SORCS1: variants seen among roughly 807,000 people sequenced by gnomAD.
SORCS1 encodes the protein VPS10 domain-containing receptor SorCS1.
In SORCS1, 60 loss-of-function variants were observed where a neutral mutation model predicts 146.1. That is an observed-to-expected ratio of 0.41 (90% CI 0.33 to 0.51). The LOEUF (loss-of-function observed/expected upper bound fraction) is 0.51, where lower values mean the gene tolerates loss of function less well. SORCS1 is among the 20% of genes least tolerant of loss of function. SORCS1 has a pLI of 0.21. For missense variants in SORCS1, 1,352 were observed against 1,487.6 expected (o/e 0.91, Z 1.50); for synonymous variants, 637 against 584.0 (o/e 1.09, Z -1.31).
At chr10:106,724,418 A>G (rs1964864) in intron 6 of SORCS1, among the ~76,000 whole-genome samples, 125,378 of 151,822 alleles carry the variant, frequency 0.83, 53,463 homozygotes, top group Non-Finnish European at 0.94. Flanking sequence ...GAGGCGAATC[A>G]CTTGAACCCA....
intron 1 of SORCS1, among the ~76,000 whole-genome samples, chr10:107,019,044 G>A (rs1278510345): frequency 6.6e-6 from 1 of 152,040 alleles, no homozygotes; most frequent in Non-Finnish European, 1.5e-5. Context: ...TTGCATCTGT[G>A]AAGAGGATCC....
intron 24 of SORCS1, among the ~76,000 whole-genome samples, chr10:106,581,608 AC>A (rs903101386): frequency 1.3e-5 from 2 of 152,208 alleles, no homozygotes; most frequent in Non-Finnish European, 2.9e-5. Flanking sequence ...ACACACACAC[AC>A]AGAATACAGA....
intron 3 of SORCS1, among the ~76,000 whole-genome samples, chr10:106,798,744 A>T (rs1946718758): frequency 1.3e-5 from 2 of 152,164 alleles, no homozygotes; most frequent in Admixed American, 1.3e-4. Flanking sequence ...GCCGCAATAA[A>T]CATACGTATG....
At chr10:106,664,510 C>T (rs1000405327) in intron 17 of SORCS1, among the ~76,000 whole-genome samples, 9 of 152,060 alleles carry the variant, frequency 5.9e-5, no homozygotes, top group East Asian at 3.9e-4. Context: ...GGCTTGGTGG[C>T]GGGTGCCTGT....
At chr10:106,753,353 G>T (rs989331771) in intron 5 of SORCS1, among the ~76,000 whole-genome samples, 3 of 152,070 alleles carry the variant, frequency 2.0e-5, no homozygotes, top group African/African-American at 7.2e-5. Flanking sequence ...AGAAGTCTTA[G>T]GGGTACTGTG....
intron 23 of SORCS1, among the ~76,000 whole-genome samples, chr10:106,601,742 G>C (rs1293497935): frequency 1.3e-5 from 2 of 152,194 alleles, no homozygotes; most frequent in Non-Finnish European, 2.9e-5. Context: ...ACACTGGCTG[G>C]TGGAGCGGCC....
intron 6 of SORCS1, among the ~76,000 whole-genome samples, chr10:106,716,819 T>C (rs1286305478): frequency 2.6e-5 from 4 of 152,162 alleles, no homozygotes; most frequent in Non-Finnish European, 4.4e-5. Context: ...GTGGATCACA[T>C]GTTTTTTTCT....
chr10:107,156,690 T>A (rs1590264614), intron 1 of SORCS1, among the ~76,000 whole-genome samples: 1 of 152,340 alleles, frequency 6.6e-6, no homozygotes, highest in South Asian at 2.1e-4. Flanking sequence ...TCAGTTTGAC[T>A]ACTGCTGCTC....
chr10:107,002,871 G>A (rs1957275892), intron 1 of SORCS1, among the ~76,000 whole-genome samples: 1 of 152,208 alleles, frequency 6.6e-6, no homozygotes, highest in Non-Finnish European at 1.5e-5. Flanking sequence ...ATCATTCAAG[G>A]TGGGAGTTGT....
At chr10:106,642,857 G>C (rs1009523544) in intron 18 of SORCS1, among the ~76,000 whole-genome samples, 1 of 152,192 alleles carries the variant, frequency 6.6e-6, no homozygotes, top group Non-Finnish European at 1.5e-5. Context: ...CAAGCCATTA[G>C]TATTCTCAGA....
chr10:106,824,244 C>T (rs895948582), intron 3 of SORCS1, among the ~76,000 whole-genome samples: 7 of 145,796 alleles, frequency 4.8e-5, no homozygotes, highest in East Asian at 4.2e-4. Context: ...GCGGAGGTTG[C>T]GGTTGTGCCA....
intron 2 of SORCS1, among the ~76,000 whole-genome samples, chr10:106,844,485 T>A (rs1040851576): frequency 2.0e-5 from 3 of 152,054 alleles, no homozygotes; most frequent in Non-Finnish European, 4.4e-5. Context: ...TTGATTTTCA[T>A]GTATGATATA....
chr10:106,865,560 C>T (rs1950195695), intron 2 of SORCS1, among the ~76,000 whole-genome samples: 1 of 151,848 alleles, frequency 6.6e-6, no homozygotes, highest in Admixed American at 6.6e-5. Context: ...CCCATCTCTA[C>T]TAAAAATACA....
chr10:106,602,446 T>C (rs370926612), intron 23 of SORCS1, among the ~76,000 whole-genome samples: 42 of 151,340 alleles, frequency 2.8e-4, no homozygotes, highest in African/African-American at 1.0e-3. Flanking sequence ...TTGCATTGAA[T>C]GACAGGGAAG....
rs74154838 is a variant in SORCS1, at chr10:107,045,650, C to A, written c.559-89070G>T. ...AGGCACACACAACAGTTTTAAGGGGCCATGCCAATATTTTAATTTATTTTA... is the reference window on the plus strand; with the variant it reads ...AGGCACACACAACAGTTTTAAGGGGACATGCCAATATTTTAATTTATTTTA... On this transcript the variant is annotated intron_variant, in intron 1 of 25. Coordinates refer to ENST00000263054, the MANE Select transcript of SORCS1 (RefSeq NM_052918.5). Among the ~76,000 whole-genome samples the A allele has an allele frequency of 6.3e-3, 953 of 151,604 alleles. 16 individuals are homozygous for A. The highest frequency in any genetic ancestry group is 0.022 in the African/African-American group (904 of 41,298).
chr10:106,750,776 A>AAGGC (rs1858129746), intron 5 of SORCS1, among the ~76,000 whole-genome samples: 1 of 111,120 alleles, frequency 9.0e-6, no homozygotes, highest in Admixed American at 9.9e-5. Flanking sequence ...AGAAAAAGAA[A>AAGGC]AGGCCGGGCG....
intron 1 of SORCS1, among the ~76,000 whole-genome samples, chr10:107,146,649 C>A (rs918443710): frequency 6.6e-6 from 1 of 152,080 alleles, no homozygotes; most frequent in Non-Finnish European, 1.5e-5. Context: ...TATGTCATAG[C>A]GTCCTAAACG....
At position 107,104,292 on chromosome 10, in the gene SORCS1, G is replaced by A. The variant is rs1238086322; in HGVS notation, c.558+59677C>T. 5.3e-5 allele frequency among the ~76,000 whole-genome samples: 8 copies of A among 152,272 alleles called. No individual in the cohort carries two copies. The South Asian group carries it at 1.2e-3, about 24-fold the overall frequency. On this transcript the variant is annotated intron_variant, in intron 1 of 25. Coordinates refer to ENST00000263054, the MANE Select transcript of SORCS1 (RefSeq NM_052918.5). ...TTCTCACCAAGTTTAATCCTCTTCC[G>A]CTGAATTTTACCTCCTCTGCTTTGC...
At chr10:107,151,972 T>TCAC (rs1968836612) in intron 1 of SORCS1, among the ~76,000 whole-genome samples, 1 of 152,128 alleles carries the variant, frequency 6.6e-6, no homozygotes, top group Non-Finnish European at 1.5e-5. Flanking sequence ...GGCCCTTCCA[T>TCAC]CACAGACCCA....
Sources: gnomAD v4.1 joint callset for allele counts (sites outside exome capture counted in the v4.1 genomes callset) on GRCh38, gnomAD v4.1.1 for gene constraint, MANE v1.5 for transcripts, NCBI Gene and HGNC (gene_info 2026-07-23, HGNC 2026-07-21) for gene names.